Variants in BRCA1 observed in about 807,000 individuals in gnomAD.
BRCA1 encodes the protein breast cancer type 1 susceptibility protein.
BRCA1 carries 140 observed loss-of-function variants against 173.7 expected under a neutral mutation model. The observed-to-expected ratio is 0.81, with a 90% CI of 0.70 to 0.93. The LOEUF (loss-of-function observed/expected upper bound fraction) is 0.93, where lower values mean the gene tolerates loss of function less well. Ranked by LOEUF, BRCA1 falls within the 40% of genes least tolerant of loss-of-function variation. The pLI is 0.00. For missense variants in BRCA1, 1,983 were observed against 2,172.5 expected, an observed-to-expected ratio of 0.91 and a Z score of 1.73; for synonymous variants, 662 against 756.0, an observed-to-expected ratio of 0.88 and a Z score of 2.04.
chr17:43,051,153 T>C, intron 19 of BRCA1, 36 bp from the exon 20 acceptor site: 1 of 1,572,402 alleles, frequency 6.4e-7, no homozygotes, highest in Non-Finnish European at 8.8e-7. Context: ...GACAGGGGAA[T>C]GGAGAGAAGG....
Position 43,067,622 on chromosome 17 carries a change from A to G in BRCA1, c.5060T>C (p.Val1687Ala), listed in dbSNP as rs1555579627. 6.2e-7 allele frequency: 1 copy of G among 1,611,944 alleles called. No individual in the cohort carries two copies. Among genetic ancestry groups the G allele is most frequent in the South Asian group, 1.1e-5 (1 of 91,060 alleles). Reference sequence around the variant, plus strand: ...TCTTGGTATACCTGTTTTCATAACAACATGAGTAGTCTCTTCAGTAATTAG... The same window carrying G: ...TCTTGGTATACCTGTTTTCATAACAGCATGAGTAGTCTCTTCAGTAATTAG... ...TNLITEETTH[V>A]VMKTDAEFVC... The change falls in exon 16 of 23, where the codon GTT becomes GCT. Residue 1687 changes from valine to alanine, a missense_variant. Physicochemically the swap from Val to Ala is moderately conservative, Grantham distance 64 (BLOSUM62 0). Coordinates refer to ENST00000357654, the MANE Select transcript of BRCA1 (RefSeq NM_007294.4).
chr17:43,138,789 G>T, intron 1 of BRCA1: 1 of 778,986 alleles, frequency 1.3e-6, no homozygotes, highest in South Asian at 1.3e-5. Flanking sequence ...AGCAGCAGGC[G>T]TGCAGGCTCT....
At chr17:43,145,164 TA>T (rs2056111600) in intron 1 of BRCA1, 1 of 708,004 alleles carries the variant, frequency 1.4e-6, no homozygotes, top group Non-Finnish European at 2.7e-6. Flanking sequence ...ACCAAAAAAC[TA>T]AAGAAGATTT....
intron 6 of BRCA1, 35 bp from the exon 7 acceptor site, chr17:43,099,915 T>C (rs1219418966): frequency 1.3e-6 from 2 of 1,503,876 alleles, no homozygotes; most frequent in East Asian, 2.3e-5. Context: ...CAAGCAATTG[T>C]TGGCCAGTTC....
At chr17:43,056,352 T>A (rs1474550251) in intron 19 of BRCA1, among the ~76,000 whole-genome samples, 2 of 151,936 alleles carry the variant, frequency 1.3e-5, no homozygotes, top group Admixed American at 1.3e-4. Flanking sequence ...TTTTGTATAT[T>A]TTTTTTGGTA....
At chr17:43,113,935 T>C (rs536790478) in intron 3 of BRCA1, among the ~76,000 whole-genome samples, 3 of 151,988 alleles carry the variant, frequency 2.0e-5, no homozygotes, top group African/African-American at 7.2e-5. Flanking sequence ...ATTAGCTGGG[T>C]GTGGTGGCAG....
chr17:43,162,797 T>C (rs1412270322), intron 1 of BRCA1: 1 of 152,176 alleles, frequency 6.6e-6, no homozygotes, highest in African/African-American at 2.4e-5. Flanking sequence ...GGAGCAGAGC[T>C]TGTCGTCTTC....
chr17:43,165,109 A>T (rs1243164216), intron 1 of BRCA1, among the ~76,000 whole-genome samples: 2 of 152,226 alleles, frequency 1.3e-5, no homozygotes, highest in Non-Finnish European at 2.9e-5. Context: ...TTAATATTAA[A>T]CTTAATTTTA....
chr17:43,099,948 A>AAGGG, intron 6 of BRCA1, 68 bp from the exon 7 acceptor site: 2 of 1,207,118 alleles, frequency 1.7e-6, no homozygotes, highest in South Asian at 2.4e-5. Flanking sequence ...CCTGAAGAGA[A>AAGGG]ACTTGACACC....
intron 2 of BRCA1, among the ~76,000 whole-genome samples, chr17:43,121,093 A>G (rs1167165219): frequency 6.6e-6 from 1 of 150,806 alleles, no homozygotes; most frequent in Non-Finnish European, 1.5e-5. Flanking sequence ...AAAAAGGTCC[A>G]GGCCGGGCGC....
Position 43,045,881 on chromosome 17 carries a change from C to T in BRCA1, c.5468-79G>A, listed in dbSNP as rs561706745. 68 of 1,588,612 alleles carry T rather than the reference C, an allele frequency of 4.3e-5. No individual in the cohort carries two copies. In the African/African-American group the frequency reaches 7.8e-4, roughly 18 times the overall value. Reference sequence around the variant, plus strand: ...GGCTCTAATCAATCGACTCCAGGGTCCTGGTTGTATGAGTTCTTAGGATTA... The same window carrying T: ...GGCTCTAATCAATCGACTCCAGGGTTCTGGTTGTATGAGTTCTTAGGATTA... On this transcript the variant is annotated intron_variant, in intron 22 of 22. Transcript: ENST00000357654.
At position 43,047,595 on chromosome 17, in the gene BRCA1, C is replaced by T; in HGVS notation, c.5467+48G>A. ...ACCAGGTAATGAGTGATAAACCAAA[C>T]CCATGCAAAAGGACCCCATATAGCA... On this transcript the variant is annotated intron_variant, in intron 22 of 22. Coordinates refer to ENST00000357654, the MANE Select transcript of BRCA1 (RefSeq NM_007294.4). 6.2e-6 allele frequency: 10 copies of T among 1,600,940 alleles called. No homozygotes were observed. In the South Asian group the frequency reaches 9.9e-5, roughly 16 times the overall value.
chr17:43,168,120 G>T, intron 1 of BRCA1: 1 of 307,966 alleles, frequency 3.2e-6, no homozygotes, highest in South Asian at 3.0e-5. Flanking sequence ...ATTTGCATAG[G>T]AGATAATCAT....
chr17:43,134,675 T>A (rs766216695), intron 1 of BRCA1, among the ~76,000 whole-genome samples: 112 of 152,306 alleles, frequency 7.4e-4, no homozygotes, highest in Non-Finnish European at 1.3e-3. Context: ...CTAATCTTCC[T>A]GCTCAACCAT....
chr17:43,065,319 G>A (rs1439558545), intron 16 of BRCA1, among the ~76,000 whole-genome samples: 2 of 152,008 alleles, frequency 1.3e-5, no homozygotes, highest in Non-Finnish European at 1.5e-5. Flanking sequence ...GAAGTTCAAC[G>A]GCAATGTGTC....
intron 13 of BRCA1, among the ~76,000 whole-genome samples, chr17:43,075,066 C>T (rs1009746286): frequency 4.1e-5 from 6 of 147,140 alleles, no homozygotes; most frequent in African/African-American, 1.5e-4. Context: ...AAGGAAAGGA[C>T]GGAAGGAAGG....
intron 16 of BRCA1, among the ~76,000 whole-genome samples, chr17:43,066,834 T>TC (rs1491538523): frequency 2.2e-5 from 3 of 137,272 alleles, no homozygotes; most frequent in African/African-American, 9.9e-5. Context: ...TTTTTTTTTT[T>TC]GAGACAAGAA....
At chr17:43,046,820 G>A (rs909513205) in intron 22 of BRCA1, among the ~76,000 whole-genome samples, 6 of 151,012 alleles carry the variant, frequency 4.0e-5, no homozygotes, top group Non-Finnish European at 8.8e-5. Context: ...GGCCCTAGGA[G>A]TGACTCCTGG....
In BRCA1 at chr17:43,115,707, A is replaced by G. The variant is rs1060504590; in HGVS notation, c.134+19T>C. The G allele has an allele frequency of 6.2e-7, 1 of 1,610,990 alleles. No homozygotes were observed. The highest frequency in any genetic ancestry group is 8.5e-7 in the Non-Finnish European group (1 of 1,177,798). ...AAACAAAAGCTAATAATGGAGCCAC[A>G]TAACACATTCAAACTTACTTGCAAA... On this transcript the variant is annotated intron_variant, in intron 3 of 22. Transcript: ENST00000357654.
Sources: gnomAD v4.1 joint callset for allele counts (sites outside exome capture counted in the v4.1 genomes callset) on GRCh38, gnomAD v4.1.1 for gene constraint, MANE v1.5 for transcripts, NCBI Gene and HGNC (gene_info 2026-07-23, HGNC 2026-07-21) for gene names.